Variants in PLCL2 observed in about 807,000 individuals in gnomAD.
PLCL2 encodes phospholipase C like 2.
In PLCL2, 4 loss-of-function variants were observed where a neutral mutation model predicts 79.6. That is an observed-to-expected ratio of 0.05 (90% confidence interval 0.02 to 0.11). The LOEUF is 0.11. Ranked by LOEUF, PLCL2 falls within the 10% of genes least tolerant of loss-of-function variation. The pLI is 1.00. For synonymous variants in PLCL2, 484 were observed against 457.7 expected (o/e 1.06, Z -0.73); for missense variants, 895 against 1,291.0 (o/e 0.69, Z 4.70).
In PLCL2 at chr3:17,012,049, A is replaced by G. The variant is rs2064331502; in HGVS notation, c.2703A>G (p.Lys901=). Residue 901 remains lysine, a synonymous_variant, in exon 2 of 6, where the codon AAA becomes AAG. Transcript: ENST00000615277. Reference sequence around the variant, plus strand: ...GCCTTTCTGTGAGAAAAGGGAAGAAATCCAGGGAATATGCATCTTTGAGAA... The same window carrying G: ...GCCTTTCTGTGAGAAAAGGGAAGAAGTCCAGGGAATATGCATCTTTGAGAA... ...KRGLSVRKGK[K]SREYASLRTL... The G allele has an allele frequency of 1.9e-6, 3 of 1,614,216 alleles. No homozygotes were observed. The Admixed American group carries it at 5.0e-5, about 27-fold the overall frequency.
intron 4 of PLCL2, among the ~76,000 whole-genome samples, chr3:17,047,578 AT>A (rs1226191115): frequency 6.6e-6 from 1 of 152,230 alleles, no homozygotes; most frequent in African/African-American, 2.4e-5. Flanking sequence ...TTTCCAAATA[AT>A]AAAAGCTTTA....
In PLCL2 at chr3:16,900,186, A is replaced by G. The variant is rs184197389; in HGVS notation, c.327+14820A>G. Among the ~76,000 whole-genome samples, 165 of 152,336 alleles carry G rather than the reference A, an allele frequency of 1.1e-3. 1 individual carries two copies. Among genetic ancestry groups the G allele is most frequent in the African/African-American group, 3.8e-3 (160 of 41,568 alleles). On this transcript the variant is annotated intron_variant, in intron 1 of 5. Coordinates refer to ENST00000615277, the MANE Select transcript of PLCL2 (RefSeq NM_001144382.2). ...ACTGAGGTAGCAGTGACTGTTTACT[A>G]AAGAAAATAACCTTCATTTTTTCTT...
chr3:16,965,489 C>G (rs13066732), intron 1 of PLCL2, among the ~76,000 whole-genome samples: 22,901 of 149,198 alleles, frequency 0.15, 2,240 homozygotes, highest in Non-Finnish European at 0.2. Flanking sequence ...GCTTAGGATT[C>G]TCTTGGCAAT....
chr3:16,941,313 C>G (rs1225092032), intron 1 of PLCL2, among the ~76,000 whole-genome samples: 1 of 152,136 alleles, frequency 6.6e-6, no homozygotes, highest in Non-Finnish European at 1.5e-5. Flanking sequence ...CTTGACCATT[C>G]TTTTTTCTTC....
chr3:16,919,090 T>G (rs1017691608), intron 1 of PLCL2, among the ~76,000 whole-genome samples: 5 of 152,182 alleles, frequency 3.3e-5, no homozygotes, highest in Non-Finnish European at 7.4e-5. Context: ...TTTAGTTTTA[T>G]TTGTTTGAAC....
intron 4 of PLCL2, among the ~76,000 whole-genome samples, chr3:17,054,598 G>T (rs1264598684): frequency 4.6e-5 from 7 of 151,958 alleles, no homozygotes; most frequent in Non-Finnish European, 8.8e-5. Context: ...GTGGGGAGGT[G>T]CCATACATTT....
chr3:16,962,060 T>C (rs1472173067), intron 1 of PLCL2, among the ~76,000 whole-genome samples: 1 of 152,122 alleles, frequency 6.6e-6, no homozygotes, highest in East Asian at 1.9e-4. Flanking sequence ...ACAGGGATTA[T>C]GGGGAAGCTC....
At chr3:17,080,581 G>T (rs2065152846) in intron 5 of PLCL2, among the ~76,000 whole-genome samples, 1 of 152,074 alleles carries the variant, frequency 6.6e-6, no homozygotes, top group African/African-American at 2.4e-5. Flanking sequence ...CTCCCGAGTA[G>T]CTGGGATTAC....
chr3:17,047,993 A>G (rs552031545), intron 4 of PLCL2, among the ~76,000 whole-genome samples: 1 of 152,292 alleles, frequency 6.6e-6, no homozygotes, highest in African/African-American at 2.4e-5. Flanking sequence ...TCTTACATAA[A>G]AGAGGATGAG....
chr3:17,029,254 C>T (rs574163948), intron 3 of PLCL2, among the ~76,000 whole-genome samples: 1 of 151,806 alleles, frequency 6.6e-6, no homozygotes, highest in South Asian at 2.1e-4. Context: ...TCTTTCACCT[C>T]TTGTTCAGAC....
Position 16,987,550 on chromosome 3 carries a change from C to G in PLCL2, c.328-22124C>G, listed in dbSNP as rs2064063432. The stretch of plus-strand genomic sequence containing the variant: ...AATACGTGACATTTATTAATACAGG[C>G]TCTACTCAAGTGGCTCTCCAGCAGT... On this transcript the variant is annotated intron_variant, in intron 1 of 5. Coordinates refer to ENST00000615277, the MANE Select transcript of PLCL2 (RefSeq NM_001144382.2). Among the ~76,000 whole-genome samples, 4 of 152,218 alleles carry G rather than the reference C, an allele frequency of 2.6e-5. No homozygotes were observed. In the South Asian group the frequency reaches 8.3e-4, roughly 32 times the overall value.
intron 4 of PLCL2, among the ~76,000 whole-genome samples, chr3:17,056,343 T>G (rs2064892649): frequency 6.6e-6 from 1 of 152,156 alleles, no homozygotes; most frequent in African/African-American, 2.4e-5. Flanking sequence ...GTGTGTATAT[T>G]AGGTATCCTT....
At chr3:17,013,419 G>A (rs2064349530) in intron 2 of PLCL2, among the ~76,000 whole-genome samples, 2 of 152,218 alleles carry the variant, frequency 1.3e-5, no homozygotes, top group Admixed American at 1.3e-4. Flanking sequence ...GGGGCAGGCA[G>A]TGGGAAGGGG....
At chr3:16,960,073 C>G (rs552084348) in intron 1 of PLCL2, among the ~76,000 whole-genome samples, 1 of 152,070 alleles carries the variant, frequency 6.6e-6, no homozygotes, top group African/African-American at 2.4e-5. Flanking sequence ...CCACTGCACT[C>G]CAGCGTGGGC....
intron 5 of PLCL2, among the ~76,000 whole-genome samples, chr3:17,068,893 A>T (rs1167929671): frequency 6.6e-6 from 1 of 152,148 alleles, no homozygotes; most frequent in Non-Finnish European, 1.5e-5. Context: ...AATAACACAG[A>T]GGTTATTTCA....
chr3:16,890,061 C>T (rs79638618), intron 1 of PLCL2, among the ~76,000 whole-genome samples: 5,957 of 152,284 alleles, frequency 0.039, 200 homozygotes, highest in Admixed American at 0.1. Context: ...TGTGCTAATA[C>T]ATTTTAGACC....
rs1435017387 is a variant in PLCL2, at chr3:17,010,361, T to C, written c.1015T>C (p.Cys339Arg). The C allele has an allele frequency of 1.2e-6, 2 of 1,614,098 alleles. No individual in the cohort carries two copies. Among genetic ancestry groups the C allele is most frequent in the Non-Finnish European group, 1.7e-6 (2 of 1,180,020 alleles). Residue 339 changes from cysteine to arginine, a missense_variant, in exon 2 of 6, where the codon TGT (cysteine) becomes CGT (arginine). By Grantham distance (180) the Cys-to-Arg change is radical (BLOSUM62 -3). Coordinates refer to ENST00000615277, the MANE Select transcript of PLCL2 (RefSeq NM_001144382.2). This position sits in a 1 kb window ranked among gnomAD's most constrained non-coding sequence, Gnocchi z 5.8. The part of the protein sequence containing the change: ...EEFIEVFHEL[C>R]TRPEIYFLLV... ...ATTTATTGAGGTTTTTCATGAGCTT[T>C]GTACTAGACCTGAAATTTATTTCCT... is the stretch of plus-strand genomic sequence containing the variant.
rs142093392 is a variant in PLCL2 at position 16,955,252 on chromosome 3, C to T, written c.328-54422C>T. On this transcript the variant is annotated intron_variant, in intron 1 of 5. Coordinates refer to ENST00000615277, the MANE Select transcript of PLCL2 (RefSeq NM_001144382.2). ...TTTCAGCTTTCTACATATGGCTAGC[C>T]AGTTTTCCCAGCACCATTTATTAAA... Among the ~76,000 whole-genome samples, 995 of 152,304 alleles carry T rather than the reference C, an allele frequency of 6.5e-3. 5 individuals carry two copies. Among genetic ancestry groups the T allele is most frequent in the African/African-American group, 0.02 (826 of 41,554 alleles).
chr3:16,962,865 TACAC>T (rs1447689567), intron 1 of PLCL2, among the ~76,000 whole-genome samples: 2 of 152,284 alleles, frequency 1.3e-5, no homozygotes, highest in Admixed American at 6.5e-5. Flanking sequence ...TGTTTATACA[TACAC>T]ATACATACAT....
Sources: allele counts gnomAD v4.1 joint callset (sites outside exome capture counted in the v4.1 genomes callset), GRCh38; gene constraint gnomAD v4.1.1; non-coding constraint Gnocchi (gnomAD v3.1); transcripts MANE v1.5; gene names NCBI Gene and HGNC (gene_info 2026-07-23, HGNC 2026-07-21).